The following NSMAF variants were observed in gnomAD, a reference collection of about 807,000 sequenced individuals.
The protein encoded by NSMAF is protein FAN.
NSMAF carries 90 observed loss-of-function variants against 134.9 expected under a neutral mutation model. The observed-to-expected ratio is 0.67, with a 90% CI of 0.56 to 0.79. The LOEUF (loss-of-function observed/expected upper bound fraction) is 0.79. Among genes scored for constraint, NSMAF ranks in the 30% least tolerant of loss-of-function variants. The pLI is 0.00. For synonymous variants in NSMAF, 358 were observed against 389.6 expected (o/e 0.92, Z 0.96); for missense variants, 1,010 against 1,119.0 (o/e 0.90, Z 1.39).
chr8:58,593,123 T>C (rs77192980), intron 23 of NSMAF, among the ~76,000 whole-genome samples: 2,312 of 152,292 alleles, frequency 0.015, 35 homozygotes, highest in East Asian at 0.078. Context: ...TAAAGCACTT[T>C]GTCTGAGGCT....
In NSMAF at chr8:58,585,736, C is replaced by T. The variant is rs140438385; in HGVS notation, c.2575G>A (p.Val859Ile). ...QRCFVWDGNS[V>I]LSGSQSGELL... Reference sequence around the variant, plus strand: ...TCACCAGACTGACTGCCAGATAAAACGGAATTTCCATCCCAGACAAAGCAC... The same window carrying T: ...TCACCAGACTGACTGCCAGATAAAATGGAATTTCCATCCCAGACAAAGCAC... The change falls in exon 30 of 31, where the codon GTT (valine) becomes ATT (isoleucine). Residue 859 changes from valine to isoleucine, a missense_variant. Val to Ile is a conservative substitution (Grantham distance 29, BLOSUM62 3). Transcript: ENST00000038176. 2.7e-4 allele frequency: 433 copies of T among 1,614,134 alleles called. 1 individual carries two copies. The East Asian group carries it at 3.1e-3, about 12-fold the overall frequency.
In NSMAF at chr8:58,599,278, T is replaced by C. The variant is rs568700439; in HGVS notation, c.1539A>G (p.Ile513Met). Reference protein sequence around the residue: ...SEHLHEWIDLIFGYKQKGSDA... With the variant: ...SEHLHEWIDLMFGYKQKGSDA... Reference sequence around the variant, plus strand: ...CACTCCCTTTTTGTTTGTAGCCAAATATTAGATCAATCCACTCGTGAAGGT... The same window carrying C: ...CACTCCCTTTTTGTTTGTAGCCAAACATTAGATCAATCCACTCGTGAAGGT... The change falls in exon 19 of 31, where the codon ATA (isoleucine) becomes ATG (methionine). Residue 513 changes from isoleucine (I) to methionine (M), a missense_variant. By Grantham distance (10) the Ile-to-Met change is conservative. Transcript: ENST00000038176. The C allele has an allele frequency of 6.2e-7, 1 of 1,614,056 alleles. No homozygotes were observed. Among genetic ancestry groups the C allele is most frequent in the African/African-American group, 1.3e-5 (1 of 75,054 alleles).
At chr8:58,640,056 G>C (rs1229782707) in intron 2 of NSMAF, 2 of 455,488 alleles carry the variant, frequency 4.4e-6, no homozygotes, top group African/African-American at 4.0e-5. Context: ...AAGAAATGGG[G>C]AGATGCTGGG....
intron 22 of NSMAF, chr8:58,594,565 TG>T (rs1475993482): frequency 4.4e-5 from 19 of 427,650 alleles, no homozygotes; most frequent in Non-Finnish European, 4.2e-6. Flanking sequence ...TTCTGGCAAT[TG>T]GAAAACTCTT....
intron 10 of NSMAF, among the ~76,000 whole-genome samples, 196 bp from the exon 11 acceptor site, chr8:58,608,036 G>C (rs1468699098): frequency 6.6e-6 from 1 of 152,140 alleles, no homozygotes; most frequent in Non-Finnish European, 1.5e-5. Flanking sequence ...TATGACCTTG[G>C]GCAAGTCTTC....
Position 58,635,488 on chromosome 8 carries a change from T to A in NSMAF, c.208A>T (p.Ile70Leu). ...TTTACCTTGATGATGGGCTGGGATA[T>A]TGAATCTGGTTCAAAAATCACCGAT... Reference protein sequence around the residue: ...SKSVIFEPDSISQPIIKIPLR... With the variant: ...SKSVIFEPDSLSQPIIKIPLR... Residue 70 changes from isoleucine (I) to leucine (L), a missense_variant, in exon 3 of 31, where the codon ATA becomes TTA. By Grantham distance (5) the Ile-to-Leu change is conservative. Transcript: ENST00000038176. 1 of 1,605,428 alleles carries A rather than the reference T, an allele frequency of 6.2e-7. No individual in the cohort carries two copies. The highest frequency in any genetic ancestry group is 8.5e-7 in the Non-Finnish European group (1 of 1,177,040).
At chr8:58,634,504 T>G (rs1028872849) in intron 5 of NSMAF, among the ~76,000 whole-genome samples, 1 of 152,154 alleles carries the variant, frequency 6.6e-6, no homozygotes, top group Non-Finnish European at 1.5e-5. Flanking sequence ...CCAGAACAAT[T>G]CTTCTCTGAA....
rs775286751 is a variant in NSMAF at position 58,597,570 on chromosome 8, T to C, written c.1629-20A>G. The C allele has an allele frequency of 1.2e-6, 2 of 1,612,326 alleles. No individual in the cohort carries two copies. Among genetic ancestry groups the C allele is most frequent in the Non-Finnish European group, 1.7e-6 (2 of 1,178,770 alleles). On this transcript the variant is annotated intron_variant, in intron 20 of 30. Transcript: ENST00000038176. ...TGGATGCTTTGGGACAGAACACAAA[T>C]AATGCAGTGAACCACTAGGTTCGAG...
intron 2 of NSMAF, among the ~76,000 whole-genome samples, chr8:58,642,447 T>A: frequency 6.6e-6 from 1 of 152,230 alleles, no homozygotes; most frequent in East Asian, 1.9e-4. Context: ...GTTATTAAGA[T>A]ACTGAGAAAT....
At chr8:58,625,048 A>C (rs918197158) in intron 6 of NSMAF, among the ~76,000 whole-genome samples, 3 of 152,310 alleles carry the variant, frequency 2.0e-5, no homozygotes, top group Admixed American at 6.5e-5. Flanking sequence ...TTTCTGGATG[A>C]GATTAGCATT....
At position 58,633,952 on chromosome 8, in the gene NSMAF, G is replaced by A. The variant is rs190045445; in HGVS notation, c.333+1237C>T. ...TGGGGGCTTTATTCCTAAGCTCAAA[G>A]TTATTAAATTTTTACTAAAATAACT... On this transcript the variant is annotated intron_variant, in intron 5 of 30. Transcript: ENST00000038176. Among the ~76,000 whole-genome samples the A allele has an allele frequency of 2.0e-3, 308 of 152,256 alleles. 1 individual carries two copies. Among genetic ancestry groups the A allele is most frequent in the Non-Finnish European group, 2.9e-3 (194 of 68,014 alleles).
chr8:58,600,533 G>A (rs1030471469), intron 16 of NSMAF, among the ~76,000 whole-genome samples: 6 of 143,580 alleles, frequency 4.2e-5, no homozygotes, highest in Non-Finnish European at 6.0e-5. Flanking sequence ...TGAAGCAGGA[G>A]AATCGCTTGA....
At chr8:58,613,547 G>C (rs530081029) in intron 9 of NSMAF, among the ~76,000 whole-genome samples, 1 of 152,026 alleles carries the variant, frequency 6.6e-6, no homozygotes, top group South Asian at 2.1e-4. Context: ...AGGGAGAAAA[G>C]GAGGAGCAGA....
At chr8:58,604,064 A>G (rs1806346770) in intron 12 of NSMAF, among the ~76,000 whole-genome samples, 1 of 152,140 alleles carries the variant, frequency 6.6e-6, no homozygotes, top group Non-Finnish European at 1.5e-5. Flanking sequence ...CTACAAGTGG[A>G]TTTTCCATTT....
chr8:58,637,188 T>C, intron 2 of NSMAF: 1 of 324,548 alleles, frequency 3.1e-6, no homozygotes, highest in Non-Finnish European at 6.3e-6. Context: ...TACTTGCCCC[T>C]GCATCCTTTT....
intron 1 of NSMAF, among the ~76,000 whole-genome samples, chr8:58,656,344 A>G (rs899472789): frequency 6.6e-6 from 1 of 152,172 alleles, no homozygotes; most frequent in African/African-American, 2.4e-5. Context: ...CTTATTTCGA[A>G]TGGCCAAGTG....
Position 58,605,784 on chromosome 8 carries a change from G to A in NSMAF, c.868+143C>T, listed in dbSNP as rs181604893. On this transcript the variant is annotated intron_variant, in intron 12 of 30. Transcript: ENST00000038176. The stretch of plus-strand genomic sequence containing the variant: ...AGTCCCAGCTACTCGGGAGGCTGAG[G>A]CACAAGAATCACTTGAACCCAGGAG... The A allele has an allele frequency of 3.4e-3, 2,983 of 877,696 alleles. 83 individuals are homozygous for A. In the African/African-American group the frequency reaches 0.05, roughly 15 times the overall value. The allele number at this position is 877,696 out of a possible 1,614,324, so 54.4% of individuals were successfully genotyped here. A position where few individuals can be genotyped will look rare whatever the true frequency, so the allele number is the denominator to read the frequency against.
At chr8:58,586,896 T>C (rs1805898790) in intron 27 of NSMAF, among the ~76,000 whole-genome samples, 1 of 152,194 alleles carries the variant, frequency 6.6e-6, no homozygotes, top group Non-Finnish European at 1.5e-5. Flanking sequence ...CTCAGAAAGA[T>C]AACTCTATGA....
At position 58,584,010 on chromosome 8, in the gene NSMAF, A is replaced by G. The variant is rs1268987062; in HGVS notation, c.*96T>C. On this transcript the variant is annotated 3_prime_UTR_variant, in exon 31 of 31. Transcript: ENST00000038176. ...AATTTTCCATGTGGTAAAACTTCTA[A>G]TTACTAACATTGCACATTCACCAGT... is the stretch of plus-strand genomic sequence containing the variant. 1 of 962,038 alleles carries G rather than the reference A, an allele frequency of 1.0e-6. No homozygotes were observed. The highest frequency in any genetic ancestry group is 1.7e-6 in the Non-Finnish European group (1 of 603,700). 59.6% of individuals were successfully genotyped at this position (962,038 alleles called of 1,614,324 possible). A position where few individuals can be genotyped will look rare whatever the true frequency, so the allele number is the denominator to read the frequency against.
Sources: gnomAD v4.1 joint callset for allele counts (sites outside exome capture counted in the v4.1 genomes callset) on GRCh38, gnomAD v4.1.1 for gene constraint, MANE v1.5 for transcripts, NCBI Gene and HGNC (gene_info 2026-07-23, HGNC 2026-07-21) for gene names.